The following SLC44A5 variants were observed in gnomAD, a reference collection of about 807,000 sequenced individuals.
The protein encoded by SLC44A5 is choline transporter-like protein 5.
Under a neutral mutation model 101.8 loss-of-function variants are expected in SLC44A5, and 57 were observed. The ratio of observed to expected loss-of-function variants is 0.56; its 90% CI spans 0.45 to 0.70. The LOEUF (loss-of-function observed/expected upper bound fraction) is 0.70, where lower values mean the gene tolerates loss of function less well. SLC44A5 is among the 30% of genes least tolerant of loss of function. The probability of loss-of-function intolerance (pLI) is 0.00; values close to 1 mark genes in which losing one functional copy is unlikely to be tolerated. For missense variants in SLC44A5, 737 were observed against 853.1 expected (o/e 0.86, Z 1.70); for synonymous variants, 281 against 290.9 (o/e 0.97, Z 0.35).
the SLC44A5 span, among the ~76,000 whole-genome samples, chr1:75,646,239 C>A: frequency 1.5e-5 from 2 of 136,276 alleles, no homozygotes; most frequent in Non-Finnish European, 3.3e-5. Context: ...GCCATTTTCA[C>A]GAAATTGATT....
At chr1:75,591,837 TA>T (rs5775298) in intron 1 of SLC44A5, among the ~76,000 whole-genome samples, 1 of 149,370 alleles carries the variant, frequency 6.7e-6, no homozygotes, top group South Asian at 2.1e-4. Flanking sequence ...CCTTTCATGA[TA>T]AAAAAAAAAC....
At chr1:75,334,630 T>C (rs1355539711) in intron 4 of SLC44A5, among the ~76,000 whole-genome samples, 3 of 152,132 alleles carry the variant, frequency 2.0e-5, no homozygotes, top group Admixed American at 1.3e-4. Context: ...AAGAAGGGTA[T>C]AAAGGGCAAA....
chr1:75,341,715 T>C (rs1034782114), intron 3 of SLC44A5, among the ~76,000 whole-genome samples: 1 of 152,176 alleles, frequency 6.6e-6, no homozygotes, highest in Non-Finnish European at 1.5e-5. Flanking sequence ...GGCTTCATTT[T>C]CTGCTCATGC....
intron 23 of SLC44A5, among the ~76,000 whole-genome samples, chr1:75,210,762 C>T (rs940774751): frequency 2.6e-5 from 4 of 152,140 alleles, no homozygotes; most frequent in Non-Finnish European, 5.9e-5. Context: ...GAAGCCTGTG[C>T]TTCATTTCAG....
chr1:75,237,007 T>C lies in SLC44A5; in HGVS notation c.720A>G (p.Arg240=). The change falls in exon 11 of 24, where the codon AGA becomes AGG. Residue 240 remains arginine (R), a synonymous_variant. Coordinates refer to ENST00000370859, the MANE Select transcript of SLC44A5 (RefSeq NM_001130058.2). Reference sequence around the variant, plus strand: ...CTTACATGAGAATCCAATACCAAGTTCTTGCATAGTCTTCAAACACTTTCA... The same window carrying C: ...CTTACATGAGAATCCAATACCAAGTCCTTGCATAGTCTTCAAACACTTTCA... ...LGLKVFEDYA[R]TWYWILIGLT... is the part of the protein sequence containing the mutation. 6.3e-7 allele frequency: 1 copy of C among 1,597,594 alleles called. No individual in the cohort carries two copies. The highest frequency in any genetic ancestry group is 8.6e-7 in the Non-Finnish European group (1 of 1,167,694).
intron 1 of SLC44A5, among the ~76,000 whole-genome samples, chr1:75,579,780 C>T (rs1255237980): frequency 6.6e-6 from 1 of 150,820 alleles, no homozygotes; most frequent in Non-Finnish European, 1.5e-5. Flanking sequence ...TATAGATTTT[C>T]CTTTAACAAA....
intron 2 of SLC44A5, among the ~76,000 whole-genome samples, chr1:75,412,420 T>C (rs1663338624): frequency 6.6e-6 from 1 of 152,166 alleles, no homozygotes; most frequent in African/African-American, 2.4e-5. Flanking sequence ...ACTCTATGCA[T>C]TGAGCTTAGA....
intron 4 of SLC44A5, among the ~76,000 whole-genome samples, chr1:75,323,031 G>T (rs61798673): frequency 6.6e-6 from 1 of 150,452 alleles, no homozygotes; most frequent in Admixed American, 6.7e-5. Context: ...ATGCTGGTGC[G>T]CTGCACCCAC....
the SLC44A5 span, among the ~76,000 whole-genome samples, chr1:75,694,224 T>C: frequency 6.6e-6 from 1 of 151,998 alleles, no homozygotes; most frequent in East Asian, 1.9e-4. Context: ...TTTGGCCTTA[T>C]GTCAGAAAAA....
At chr1:75,634,212 G>A in the SLC44A5 span, among the ~76,000 whole-genome samples, 1 of 152,096 alleles carries the variant, frequency 6.6e-6, no homozygotes, top group Non-Finnish European at 1.5e-5. Flanking sequence ...CCCGGCTTTG[G>A]TATCAGGATG....
chr1:75,239,860 G>A (rs1279317456), intron 9 of SLC44A5, among the ~76,000 whole-genome samples: 1 of 152,060 alleles, frequency 6.6e-6, no homozygotes, highest in African/African-American at 2.4e-5. Context: ...TGATGAATGA[G>A]TTAACTTTTT....
chr1:75,321,079 A>T (rs1337832132), intron 4 of SLC44A5, among the ~76,000 whole-genome samples: 1 of 151,682 alleles, frequency 6.6e-6, no homozygotes, highest in Admixed American at 6.6e-5. Flanking sequence ...ATGTTTATTT[A>T]TAACTTTATG....
chr1:75,412,364 T>A (rs900630443), intron 2 of SLC44A5, among the ~76,000 whole-genome samples: 1 of 152,086 alleles, frequency 6.6e-6, no homozygotes, highest in African/African-American at 2.4e-5. Context: ...GACCAAGTGC[T>A]TCTATAACTA....
chr1:75,218,968 C>T (rs1319294050), intron 16 of SLC44A5, among the ~76,000 whole-genome samples: 1 of 152,070 alleles, frequency 6.6e-6, no homozygotes, highest in Non-Finnish European at 1.5e-5. Flanking sequence ...AATCTGCACC[C>T]ACTATAATTT....
chr1:75,464,037 A>G (rs1360042409), intron 2 of SLC44A5, among the ~76,000 whole-genome samples: 2 of 152,050 alleles, frequency 1.3e-5, no homozygotes, highest in Non-Finnish European at 2.9e-5. Flanking sequence ...CCTGGCTAAC[A>G]TGGTGAAATC....
At chr1:75,296,371 T>TC (rs1028037460) in intron 5 of SLC44A5, among the ~76,000 whole-genome samples, 10 of 151,444 alleles carry the variant, frequency 6.6e-5, no homozygotes, top group African/African-American at 2.2e-4. Context: ...TTTTTCTTTT[T>TC]TTTTTTTTTT....
chr1:75,600,901 T>G (rs1674936894), intron 1 of SLC44A5, among the ~76,000 whole-genome samples: 2 of 152,166 alleles, frequency 1.3e-5, no homozygotes, highest in Admixed American at 6.6e-5. Flanking sequence ...AATGACACAT[T>G]TATTAGAATG....
chr1:75,258,095 T>C lies in SLC44A5; in HGVS notation c.261-6801A>G, dbSNP rs143130053. 9.1e-3 allele frequency among the ~76,000 whole-genome samples: 1,379 copies of C among 152,188 alleles called. 41 individuals are homozygous for C. The highest frequency in any genetic ancestry group is 0.032 in the African/African-American group (1,308 of 41,490). Reference sequence around the variant, plus strand: ...GGCCCACTCCACCAGGGCCCTGGGTTTCCAGCACAAAACTGGGTGGCCATT... The same window carrying C: ...GGCCCACTCCACCAGGGCCCTGGGTCTCCAGCACAAAACTGGGTGGCCATT... On this transcript the variant is annotated intron_variant, in intron 6 of 23. Coordinates refer to ENST00000370859, the MANE Select transcript of SLC44A5 (RefSeq NM_001130058.2).
chr1:75,718,949 A>C, the SLC44A5 span, among the ~76,000 whole-genome samples: 5 of 152,208 alleles, frequency 3.3e-5, no homozygotes, highest in African/African-American at 1.2e-4. Context: ...ATGGCAATAT[A>C]GTTATGTACA....
Sources: gnomAD v4.1 joint callset for allele counts (sites outside exome capture counted in the v4.1 genomes callset) on GRCh38, gnomAD v4.1.1 for gene constraint, MANE v1.5 for transcripts, NCBI Gene and HGNC (gene_info 2026-07-23, HGNC 2026-07-21) for gene names.